TUSC3: variants seen among roughly 807,000 people sequenced by gnomAD.
TUSC3 encodes the protein dolichyl-diphosphooligosaccharide--protein glycosyltransferase subunit TUSC3.
Under a neutral mutation model 44.8 loss-of-function variants are expected in TUSC3, and 45 were observed. The ratio of observed to expected loss-of-function variants is 1.00; its 90% CI spans 0.79 to 1.29. TUSC3 has a LOEUF of 1.29. TUSC3 is among the 50% of genes most tolerant of loss of function. TUSC3 has a pLI of 0.00. For synonymous variants in TUSC3, 212 were observed against 152.9 expected, an observed-to-expected ratio of 1.39 and a Z score of -2.85; for missense variants, 519 against 437.9, an observed-to-expected ratio of 1.19 and a Z score of -1.65.
At chr8:15,700,951 G>T (rs981056215) in intron 6 of TUSC3, among the ~76,000 whole-genome samples, 1 of 143,064 alleles carries the variant, frequency 7.0e-6, no homozygotes, top group African/African-American at 2.6e-5. Context: ...CATTGTGTTA[G>T]TCCGGAGGTC....
intron 1 of TUSC3, among the ~76,000 whole-genome samples, chr8:15,550,603 C>G (rs1802029194): frequency 6.6e-6 from 1 of 151,586 alleles, no homozygotes; most frequent in African/African-American, 2.4e-5. Context: ...TCGCCACTTT[C>G]ATACTGTTTC....
chr8:15,800,123 T>C, the TUSC3 span, among the ~76,000 whole-genome samples: 10 of 152,306 alleles, frequency 6.6e-5, no homozygotes, highest in South Asian at 6.2e-4. Flanking sequence ...ACTACCTCTA[T>C]ATCCATAGCT....
intron 1 of TUSC3, among the ~76,000 whole-genome samples, chr8:15,583,073 A>G (rs1164055100): frequency 6.6e-6 from 1 of 152,218 alleles, no homozygotes; most frequent in Non-Finnish European, 1.5e-5. Context: ...TGACTGGAAT[A>G]CAAATGAGAA....
chr8:15,439,320 C>T (rs903315078), intron 1 of TUSC3, among the ~76,000 whole-genome samples: 6 of 152,136 alleles, frequency 3.9e-5, no homozygotes, highest in African/African-American at 1.4e-4. Context: ...AATCCCAGCA[C>T]TTTAGGAAGC....
At chr8:15,616,752 T>G (rs1805001903) in intron 1 of TUSC3, among the ~76,000 whole-genome samples, 1 of 152,200 alleles carries the variant, frequency 6.6e-6, no homozygotes, top group Non-Finnish European at 1.5e-5. Flanking sequence ...GCAAGAGCCC[T>G]AACACCCCTT....
At chr8:15,637,168 T>G (rs994343787) in intron 2 of TUSC3, among the ~76,000 whole-genome samples, 4 of 152,184 alleles carry the variant, frequency 2.6e-5, no homozygotes, top group Non-Finnish European at 4.4e-5. Flanking sequence ...CATTGTTTTG[T>G]TTTTCTACTT....
Position 15,540,534 on chromosome 8 carries a change from G to A in TUSC3, c.104G>A (p.Cys35Tyr). Residue 35 changes from cysteine (C) to tyrosine (Y), a missense_variant, in exon 1 of 11, where the codon TGC becomes TAC. Coordinates refer to ENST00000503731, the MANE Select transcript of TUSC3 (RefSeq NM_006765.4). ...TTCCTTCTCCTGCTGCTGCTGCTCT[G>A]CATCCAGCTCGGGGGAGGACAGAAG... ...FPFLLLLLLL[C>Y]IQLGGGQKKK... is the part of the protein sequence containing the mutation. 1.2e-6 allele frequency: 2 copies of A among 1,603,556 alleles called. No individual in the cohort carries two copies. Among genetic ancestry groups the A allele is most frequent in the South Asian group, 1.1e-5 (1 of 89,864 alleles).
At chr8:15,739,119 C>G (rs1585287022) in intron 7 of TUSC3, among the ~76,000 whole-genome samples, 1 of 152,114 alleles carries the variant, frequency 6.6e-6, no homozygotes, top group East Asian at 1.9e-4. Flanking sequence ...GCGTGAGCCA[C>G]TGCGCCTGGC....
the TUSC3 span, among the ~76,000 whole-genome samples, chr8:15,798,968 T>A: frequency 6.6e-6 from 1 of 152,184 alleles, no homozygotes; most frequent in East Asian, 1.9e-4. Context: ...TATATCAACA[T>A]TGTAAATCCA....
At chr8:15,748,878 G>A (rs540735029) in intron 9 of TUSC3, 75 of 390,262 alleles carry the variant, frequency 1.9e-4, no homozygotes, top group Non-Finnish European at 3.5e-4. Context: ...TTCAAAATAA[G>A]AGCCAACATG....
chr8:15,704,256 T>G (rs1349126058), intron 6 of TUSC3, among the ~76,000 whole-genome samples: 1 of 7,318 alleles, frequency 1.4e-4, no homozygotes, highest in Non-Finnish European at 9.5e-4. Flanking sequence ...TTCTTAATGG[T>G]TTTTTTTTTT....
chr8:15,710,349 G>C (rs1203790945), intron 6 of TUSC3, among the ~76,000 whole-genome samples: 1 of 151,812 alleles, frequency 6.6e-6, no homozygotes, highest in Non-Finnish European at 1.5e-5. Context: ...AGTCAGAAAT[G>C]ATTGTTTCCT....
the TUSC3 span, among the ~76,000 whole-genome samples, chr8:15,837,406 A>T: frequency 6.6e-6 from 1 of 152,146 alleles, no homozygotes. Context: ...TTTTTGTCAG[A>T]CTAATTATAC....
At chr8:15,517,892 A>G (rs551615471) in intron 2 of TUSC3, among the ~76,000 whole-genome samples, 1 of 152,172 alleles carries the variant, frequency 6.6e-6, no homozygotes, top group African/African-American at 2.4e-5. Context: ...TTTAAATTGT[A>G]CAATTCAGTG....
Position 15,587,891 on chromosome 8 carries a change from C to G in TUSC3, c.139-35189C>G, listed in dbSNP as rs114650494. Among the ~76,000 whole-genome samples the G allele has an allele frequency of 7.1e-3, 1,077 of 152,166 alleles. 22 individuals carry two copies. Among genetic ancestry groups the G allele is most frequent in the African/African-American group, 0.025 (1,038 of 41,518 alleles). ...GGCTCATCCATATTGCTTCTAATGA[C>G]AGGATTTCATCTTTAATAGCTAAAT... On this transcript the variant is annotated intron_variant, in intron 1 of 10. Transcript: ENST00000503731.
At chr8:15,809,473 G>A in the TUSC3 span, among the ~76,000 whole-genome samples, 1 of 151,194 alleles carries the variant, frequency 6.6e-6, no homozygotes, top group African/African-American at 2.5e-5. Flanking sequence ...ACCTATTTGA[G>A]GTGGATACAT....
At chr8:15,722,446 G>C (rs1810337619) in intron 6 of TUSC3, among the ~76,000 whole-genome samples, 1 of 151,956 alleles carries the variant, frequency 6.6e-6, no homozygotes, top group Non-Finnish European at 1.5e-5. Context: ...CTAGTCTCTG[G>C]TTAGGAGCTG....
At chr8:15,635,403 A>G (rs2129169552) in intron 2 of TUSC3, among the ~76,000 whole-genome samples, 1 of 152,300 alleles carries the variant, frequency 6.6e-6, no homozygotes, top group African/African-American at 2.4e-5. Context: ...GGATGCTAGC[A>G]GATGTTAGGG....
downstream of TUSC3, among the ~76,000 whole-genome samples, chr8:15,771,476 C>A (rs1812437887): frequency 6.6e-6 from 1 of 150,818 alleles, no homozygotes; most frequent in African/African-American, 2.4e-5. Flanking sequence ...AAAGAAATAA[C>A]TGCATAGATT....
Sources: gnomAD v4.1 joint callset for allele counts (sites outside exome capture counted in the v4.1 genomes callset) on GRCh38, gnomAD v4.1.1 for gene constraint, MANE v1.5 for transcripts, NCBI Gene and HGNC (gene_info 2026-07-23, HGNC 2026-07-21) for gene names.